The following COX11 variants were observed in gnomAD, a reference collection of about 807,000 sequenced individuals.
The protein encoded by COX11 is cytochrome c oxidase copper chaperone COX11, also known as cytochrome c oxidase assembly protein COX11, mitochondrial.
A neutral mutation model predicts 29.4 loss-of-function variants in COX11; 18 were observed. The observed-to-expected ratio is 0.61, with a 90% CI of 0.42 to 0.91. The LOEUF (loss-of-function observed/expected upper bound fraction) is 0.91. Among genes scored for constraint, COX11 ranks in the 40% least tolerant of loss-of-function variants. COX11 has a pLI of 0.00. For missense variants in COX11, 312 were observed against 346.0 expected (o/e 0.90, Z 0.78); for synonymous variants, 131 against 124.0 (o/e 1.06, Z -0.38).
chr17:54,963,256 C>T, intron 3 of COX11, 50 bp downstream of exon 3: 2 of 1,563,330 alleles, frequency 1.3e-6, no homozygotes, highest in Non-Finnish European at 1.7e-6. Context: ...TCATACTAAA[C>T]CGTTTCATGT....
exon 1 of COX11, chr17:54,954,139 A>G (rs758712484): frequency 6.6e-5 from 10 of 152,168 alleles, no homozygotes; most frequent in Non-Finnish European, 1.2e-4. Flanking sequence ...TCACCAGGTT[A>G]TCAGCACACA....
At chr17:54,958,748 A>AAAAAAAAG (rs372776781), downstream of COX11, among the ~76,000 whole-genome samples, 628 of 118,866 alleles carry the variant, frequency 5.3e-3, 21 homozygotes, top group African/African-American at 0.018. Flanking sequence ...AAAAAAAAAA[A>AAAAAAAAG]GGGGTTGTTG....
chr17:54,958,724 C>T (rs1254112033), downstream of COX11, among the ~76,000 whole-genome samples: 11 of 61,748 alleles, frequency 1.8e-4, no homozygotes, highest in East Asian at 3.4e-3. Context: ...GAGTGAAACT[C>T]CATCTCAAAA....
downstream of COX11, among the ~76,000 whole-genome samples, chr17:54,956,247 C>G (rs938531248): frequency 2.0e-5 from 3 of 152,194 alleles, no homozygotes; most frequent in African/African-American, 7.2e-5. Flanking sequence ...CAGGTTGAAG[C>G]AGTCCTCCCT....
In COX11 at chr17:54,961,962, TAC is replaced by T. The variant is rs955818760; in HGVS notation, c.*769_*770del. 31 of 888,396 alleles carry T rather than the reference TAC, an allele frequency of 3.5e-5. No homozygotes were observed. The African/African-American group carries it at 6.6e-4, about 19-fold the overall frequency. 55.0% of individuals were successfully genotyped at this position (888,396 alleles called of 1,614,324 possible). On this transcript the variant is annotated 3_prime_UTR_variant, in exon 4 of 4. Coordinates refer to ENST00000299335, the MANE Select transcript of COX11 (RefSeq NM_004375.5). ...ATAAATCACTATTAAAACAATTTAA[TAC>T]TTTTTTTTTTTAACAAAGGTTTGTT...
Position 54,968,454 on chromosome 17 carries a change from G to T in COX11, c.193C>A (p.His65Asn). The change falls in exon 1 of 4, where the codon CAT (histidine) becomes AAT (asparagine). Residue 65 changes from histidine to asparagine, a missense_variant. By Grantham distance (68) the His-to-Asn change is moderately conservative (BLOSUM62 1). Transcript: ENST00000299335. ...CGCCGCGGCGGCTGCAATGCTGGATGCCGGGCTCGAAGGCTGCAGCGCTTC... is the reference window on the plus strand; with the variant it reads ...CGCCGCGGCGGCTGCAATGCTGGATTCCGGGCTCGAAGGCTGCAGCGCTTC... The part of the protein sequence containing the change: ...TWKRCSLRAR[H>N]PALQPPRRPK... The T allele has an allele frequency of 6.2e-7, 1 of 1,613,510 alleles. No homozygotes were observed. Among genetic ancestry groups the T allele is most frequent in the South Asian group, 1.1e-5 (1 of 91,082 alleles).
In COX11 at chr17:54,963,320, A is replaced by T. The variant is rs1417149778; in HGVS notation, c.634T>A (p.Phe212Ile). ...CTTTGATGTACCTGTATTTTATTGAAATACTGTCCAGCTTCAAATGGAACA... is the reference window on the plus strand; with the variant it reads ...CTTTGATGTACCTGTATTTTATTGATATACTGTCCAGCTTCAAATGGAACA... ...NIVPFEAGQY[F>I]NKIQCFCFEE... Residue 212 changes from phenylalanine to isoleucine, a missense_variant, in exon 3 of 4, where the codon TTC (phenylalanine) becomes ATC (isoleucine). Phe to Ile is a conservative substitution (Grantham distance 21). Transcript: ENST00000299335. The T allele has an allele frequency of 6.2e-7, 1 of 1,610,962 alleles. No individual in the cohort carries two copies. Among genetic ancestry groups the T allele is most frequent in the South Asian group, 1.1e-5 (1 of 90,540 alleles).
chr17:54,958,175 A>T (rs190182544), downstream of COX11: 1 of 152,274 alleles, frequency 6.6e-6, no homozygotes, highest in African/African-American at 2.4e-5. Context: ...CAGGGAGCTC[A>T]GTACCAGATG....
chr17:54,960,234 G>A (rs1392187419), downstream of COX11, among the ~76,000 whole-genome samples: 1 of 151,980 alleles, frequency 6.6e-6, no homozygotes, highest in Non-Finnish European at 1.5e-5. Context: ...GCATGGTTGT[G>A]TGTCCCTGTA....
At position 54,961,437 on chromosome 17, in the gene COX11, A is replaced by T. The variant is rs546581192; in HGVS notation, c.*1296T>A. ...TGACAACAGCGTGAGATTTCAACAG[A>T]ACTTGTTTGGAACAAATACTCACTT... On this transcript the variant is annotated 3_prime_UTR_variant, in exon 4 of 4. Transcript: ENST00000299335. 9.3e-6 allele frequency: 14 copies of T among 1,505,310 alleles called. No individual in the cohort carries two copies. The South Asian group carries it at 1.7e-4, about 18-fold the overall frequency. The allele number at this position is 1,505,310 out of a possible 1,614,324, so 93.2% of individuals were successfully genotyped here.
upstream of COX11, chr17:54,968,665 C>G (rs747975606): frequency 3.8e-6 from 6 of 1,588,750 alleles, no homozygotes; most frequent in African/African-American, 6.7e-5. Flanking sequence ...GAACTAACAC[C>G]CACCCGCCTC....
In COX11 at chr17:54,961,193, A is replaced by G; in HGVS notation, c.*1540T>C. Reference sequence around the variant, plus strand: ...AGTTATCAAGGAATGGGGAAAGAGAAGGACAGGATGAATACTGGCCATTTT... The same window carrying G: ...AGTTATCAAGGAATGGGGAAAGAGAGGGACAGGATGAATACTGGCCATTTT... On this transcript the variant is annotated 3_prime_UTR_variant, in exon 4 of 4. Transcript: ENST00000299335. The G allele has an allele frequency of 7.8e-7, 1 of 1,274,430 alleles. No individual in the cohort carries two copies. The highest frequency in any genetic ancestry group is 1.1e-6 in the Non-Finnish European group (1 of 894,508). 78.9% of individuals were successfully genotyped at this position (1,274,430 alleles called of 1,614,324 possible).
At position 54,962,355 on chromosome 17, in the gene COX11, A is replaced by G. The variant is rs2144129768; in HGVS notation, c.*378T>C. The G allele has an allele frequency of 1.0e-6, 1 of 993,908 alleles. No individual in the cohort carries two copies. 61.6% of individuals were successfully genotyped at this position (993,908 alleles called of 1,614,324 possible). A position where few individuals can be genotyped will look rare whatever the true frequency, so the allele number is the denominator to read the frequency against. On this transcript the variant is annotated 3_prime_UTR_variant, in exon 4 of 4. Transcript: ENST00000299335. ...TCTGGCCTATGACTTGAAACAAATA[A>G]CCCTGAGCATACATTTTTGAAAAAC...
chr17:54,964,633 A>T, intron 2 of COX11, 64 bp downstream of exon 2: 1 of 1,445,856 alleles, frequency 6.9e-7, no homozygotes, highest in Non-Finnish European at 9.7e-7. Flanking sequence ...CTGACAGTTT[A>T]AGTGATGAAA....
At chr17:54,964,624 T>C (rs528039683) in intron 2 of COX11, 73 bp downstream of exon 2, 92 of 1,392,792 alleles carry the variant, frequency 6.6e-5, no homozygotes, top group Non-Finnish European at 8.9e-5. Flanking sequence ...ATTAGTCCTC[T>C]GACAGTTTAA....
rs1567852519 is a variant in COX11, at chr17:54,960,598, A to C, written c.*2135T>G. On this transcript the variant is annotated 3_prime_UTR_variant, in exon 4 of 4. Coordinates refer to ENST00000299335, the MANE Select transcript of COX11 (RefSeq NM_004375.5). ...TATGAAGAAATTGATGCTCACCAGC[A>C]CAAAGGAGCTCAAAATGATGGTGAC... 1 of 1,613,234 alleles carries C rather than the reference A, an allele frequency of 6.2e-7. No individual in the cohort carries two copies. The highest frequency in any genetic ancestry group is 2.2e-5 in the East Asian group (1 of 44,842).
exon 1 of COX11, chr17:54,954,699 C>T (rs1164748035): frequency 1.3e-5 from 2 of 152,220 alleles, no homozygotes; most frequent in Admixed American, 6.5e-5. Flanking sequence ...TTACTTGTTC[C>T]CTTCCCTATA....
chr17:54,967,110 G>A lies in COX11; in HGVS notation c.366+1171C>T, dbSNP rs1478851992. Among the ~76,000 whole-genome samples the A allele has an allele frequency of 2.1e-5, 3 of 143,860 alleles. No individual in the cohort carries two copies. In the East Asian group the frequency reaches 6.0e-4, roughly 29 times the overall value. The allele number at this position is 143,860 out of a possible 152,430, so 94.4% of individuals were successfully genotyped here. On this transcript the variant is annotated intron_variant, in intron 1 of 3. Coordinates refer to ENST00000299335, the MANE Select transcript of COX11 (RefSeq NM_004375.5). ...ACTCCAGCTAAGAATACCAGTCATGGTGTTAAAAAAACAATTCCCAAACTT... is the reference window on the plus strand; with the variant it reads ...ACTCCAGCTAAGAATACCAGTCATGATGTTAAAAAAACAATTCCCAAACTT...
exon 1 of COX11, chr17:54,954,889 A>G (rs1392337659): frequency 1.3e-5 from 2 of 152,206 alleles, no homozygotes; most frequent in Admixed American, 6.5e-5. Flanking sequence ...AAAAAGTCCA[A>G]TTGGAGAGTT....
Sources: gnomAD v4.1 joint callset for allele counts (sites outside exome capture counted in the v4.1 genomes callset) on GRCh38, gnomAD v4.1.1 for gene constraint, MANE v1.5 for transcripts, NCBI Gene and HGNC (gene_info 2026-07-23, HGNC 2026-07-21) for gene names.